OXR1: variants seen among roughly 807,000 people sequenced by gnomAD.
OXR1 encodes oxidation resistance 1, also known as oxidation resistance protein 1.
OXR1 carries 41 observed loss-of-function variants against 104.6 expected under a neutral mutation model. The ratio of observed to expected loss-of-function variants is 0.39; its 90% CI spans 0.31 to 0.51. The LOEUF is 0.51. Among genes scored for constraint, OXR1 ranks in the 20% least tolerant of loss-of-function variants. The pLI is 0.77. For synonymous variants in OXR1, 348 were observed against 348.4 expected (o/e 1.00, Z 0.01); for missense variants, 955 against 1,031.9 (o/e 0.93, Z 1.02).
intron 1 of OXR1, among the ~76,000 whole-genome samples, chr8:106,306,047 C>CT (rs146495381): frequency 0.039 from 5,785 of 148,054 alleles, 140 homozygotes; most frequent in Non-Finnish European, 0.052. Context: ...CTTCAGAGCT[C>CT]TTTTTTTTTT....
rs999181384 is a variant in OXR1 at position 106,576,067 on chromosome 8, TAACA to T, written c.220+56929_220+56932del. 2.6e-5 allele frequency among the ~76,000 whole-genome samples: 4 copies of T among 151,544 alleles called. No homozygotes were observed. In the East Asian group the frequency reaches 7.7e-4, roughly 29 times the overall value. On this transcript the variant is annotated intron_variant, in intron 3 of 16. Coordinates refer to ENST00000517566, the MANE Select transcript of OXR1 (RefSeq NM_001198533.2). Reference sequence around the variant, plus strand: ...TTTAAAATGGTGATGTTTTTAATAATAACAGAGTTTAAGTAAATTATAGCTCATC... The same window carrying T: ...TTTAAAATGGTGATGTTTTTAATAATGAGTTTAAGTAAATTATAGCTCATC...
At chr8:106,304,194 A>G (rs1302907059) in intron 1 of OXR1, among the ~76,000 whole-genome samples, 13 of 152,100 alleles carry the variant, frequency 8.5e-5, no homozygotes, top group Admixed American at 8.5e-4. Flanking sequence ...CATCACCTCA[A>G]ATTCCTAAAT....
intron 2 of OXR1, among the ~76,000 whole-genome samples, chr8:106,487,617 C>G (rs1810772108): frequency 1.3e-5 from 2 of 149,842 alleles, no homozygotes; most frequent in Non-Finnish European, 3.0e-5. Flanking sequence ...ATTCCCCTTC[C>G]TGTGTCCATG....
At chr8:106,632,440 C>A (rs143930270) in intron 3 of OXR1, among the ~76,000 whole-genome samples, 2 of 152,206 alleles carry the variant, frequency 1.3e-5, no homozygotes, top group Non-Finnish European at 2.9e-5. Context: ...AGCTTTTAAT[C>A]AATAATTTCA....
intron 1 of OXR1, among the ~76,000 whole-genome samples, chr8:106,310,450 C>A (rs776837042): frequency 6.6e-6 from 1 of 152,108 alleles, no homozygotes; most frequent in South Asian, 2.1e-4. Flanking sequence ...TGCACCATTT[C>A]CCTTCACTGT....
chr8:106,700,668 G>A (rs892203303), intron 7 of OXR1, among the ~76,000 whole-genome samples: 2 of 152,122 alleles, frequency 1.3e-5, no homozygotes, highest in African/African-American at 4.8e-5. Flanking sequence ...AGGTATTAAG[G>A]TATATAGAGA....
chr8:106,429,011 G>C (rs190850609), intron 2 of OXR1, among the ~76,000 whole-genome samples: 2 of 152,216 alleles, frequency 1.3e-5, no homozygotes, highest in East Asian at 3.9e-4. Flanking sequence ...GGAAACTGAA[G>C]CTTGGAGTCA....
At chr8:106,716,601 G>A (rs1335415860) in intron 11 of OXR1, among the ~76,000 whole-genome samples, 2 of 20,144 alleles carry the variant, frequency 9.9e-5, no homozygotes, top group East Asian at 4.8e-3. Context: ...TCCGCAGTCC[G>A]GCCTGGGCGA....
intron 1 of OXR1, among the ~76,000 whole-genome samples, chr8:106,277,728 A>G (rs1812113169): frequency 6.6e-6 from 1 of 152,248 alleles, no homozygotes; most frequent in South Asian, 2.1e-4. Flanking sequence ...TCAGGGTTCT[A>G]AGATGGCTGC....
chr8:106,546,848 T>C (rs1401107470), intron 3 of OXR1, among the ~76,000 whole-genome samples: 1 of 152,218 alleles, frequency 6.6e-6, no homozygotes, highest in East Asian at 1.9e-4. Context: ...GTTCCAAGTT[T>C]TTATTTTCCT....
chr8:106,695,762 G>C (rs773059832), intron 7 of OXR1, among the ~76,000 whole-genome samples: 7 of 151,954 alleles, frequency 4.6e-5, no homozygotes, highest in Non-Finnish European at 1.0e-4. Context: ...TATAAAAAAG[G>C]ATCCCTAACT....
intron 3 of OXR1, among the ~76,000 whole-genome samples, chr8:106,675,206 T>C (rs1399710315): frequency 1.3e-5 from 2 of 152,116 alleles, no homozygotes; most frequent in African/African-American, 4.8e-5. Flanking sequence ...AAATAACCCA[T>C]AATTTAGAGT....
chr8:106,461,684 A>T (rs1167333816), intron 2 of OXR1, among the ~76,000 whole-genome samples: 1 of 152,176 alleles, frequency 6.6e-6, no homozygotes, highest in Non-Finnish European at 1.5e-5. Flanking sequence ...GCTGATTCTC[A>T]GTTTCTTTAT....
chr8:106,564,328 A>C (rs1179388857), intron 3 of OXR1, among the ~76,000 whole-genome samples: 1 of 152,186 alleles, frequency 6.6e-6, no homozygotes, highest in African/African-American at 2.4e-5. Context: ...CAGAAATACA[A>C]ACTACCATCA....
At chr8:106,571,017 C>A (rs1220584440) in intron 3 of OXR1, among the ~76,000 whole-genome samples, 1 of 151,556 alleles carries the variant, frequency 6.6e-6, no homozygotes. Flanking sequence ...AGCCAGCTAC[C>A]CTTGAAGCAC....
chr8:106,385,422 T>A (rs190147021), intron 2 of OXR1, among the ~76,000 whole-genome samples: 7 of 152,316 alleles, frequency 4.6e-5, no homozygotes, highest in Non-Finnish European at 1.0e-4. Context: ...CAGATCTTAG[T>A]TGAGCTTACG....
At chr8:106,526,245 C>T (rs889152816) in intron 3 of OXR1, among the ~76,000 whole-genome samples, 1 of 151,908 alleles carries the variant, frequency 6.6e-6, no homozygotes, top group Non-Finnish European at 1.5e-5. Context: ...TGGCTGGATT[C>T]GATTACAGGA....
intron 1 of OXR1, among the ~76,000 whole-genome samples, chr8:106,283,536 CTTATCTT>C (rs1812373796): frequency 6.6e-6 from 1 of 152,166 alleles, no homozygotes; most frequent in South Asian, 2.1e-4. Flanking sequence ...GATCTATACT[CTTATCTT>C]TTAAACTTTA....
chr8:106,588,248 C>T (rs927515630), intron 3 of OXR1, among the ~76,000 whole-genome samples: 15 of 151,940 alleles, frequency 9.9e-5, no homozygotes, highest in Non-Finnish European at 2.2e-4. Flanking sequence ...CATGAGCCAC[C>T]GCATCCGGCC....
Sources: allele counts gnomAD v4.1 joint callset (sites outside exome capture counted in the v4.1 genomes callset), GRCh38; gene constraint gnomAD v4.1.1; transcripts MANE v1.5; gene names NCBI Gene and HGNC (gene_info 2026-07-23, HGNC 2026-07-21).